The following ANGPT1 variants were observed in gnomAD, a reference collection of about 807,000 sequenced individuals.
ANGPT1 encodes the protein angiopoietin-1.
A neutral mutation model predicts 62.2 loss-of-function variants in ANGPT1; 17 were observed. The observed-to-expected ratio is 0.27, with a 90% CI of 0.19 to 0.41. The LOEUF (loss-of-function observed/expected upper bound fraction) is 0.41, where lower values mean the gene tolerates loss of function less well. Among genes scored for constraint, ANGPT1 ranks in the 10% least tolerant of loss-of-function variants. The pLI is 1.00. For synonymous variants in ANGPT1, 199 were observed against 198.9 expected (o/e 1.00, Z 0.00); for missense variants, 478 against 594.9 (o/e 0.80, Z 2.04).
In ANGPT1 at chr8:107,497,552, CTG is replaced by C. The variant is rs1410857969; in HGVS notation, c.5_6del (p.Thr2SerfsTer32). The C allele has an allele frequency of 1.2e-6, 2 of 1,613,524 alleles. No individual in the cohort carries two copies. The highest frequency in any genetic ancestry group is 2.2e-5 in the East Asian group (1 of 44,818). ...GCGAGGAAAGCAAAGGAAAGGAAAA[CTG>C]TCATTGTACTGCCAGCACACTCCTT... MTVFLSFAFLAA... is the reference protein window; with the variant it reads MXVFLSFAFLAA... On this transcript the variant is annotated frameshift_variant, in exon 1 of 9. Coordinates refer to ENST00000517746, the MANE Select transcript of ANGPT1 (RefSeq NM_001146.5). LOFTEE classifies it high-confidence loss of function.
At chr8:107,376,446 G>A (rs1654718) in intron 1 of ANGPT1, among the ~76,000 whole-genome samples, 112,423 of 152,114 alleles carry the variant, frequency 0.74, 42,523 homozygotes, top group East Asian at 0.87. Flanking sequence ...AACCTGATTA[G>A]TGTTCAGGGA....
At chr8:107,381,954 G>GT (rs1816646069) in intron 1 of ANGPT1, among the ~76,000 whole-genome samples, 1 of 152,224 alleles carries the variant, frequency 6.6e-6, no homozygotes, top group Admixed American at 6.5e-5. Flanking sequence ...AGAACATTTT[G>GT]TAAGACATAG....
intron 5 of ANGPT1, among the ~76,000 whole-genome samples, chr8:107,302,464 A>G (rs1271202990): frequency 1.3e-5 from 2 of 151,886 alleles, no homozygotes; most frequent in Non-Finnish European, 2.9e-5. Flanking sequence ...CATTTCTATC[A>G]CTATACTTAT....
chr8:107,268,869 T>A (rs753251682), intron 7 of ANGPT1, among the ~76,000 whole-genome samples: 9 of 152,010 alleles, frequency 5.9e-5, no homozygotes, highest in Non-Finnish European at 1.0e-4. Context: ...GGGACTGATA[T>A]ATTGAGGAAT....
chr8:107,275,068 A>T (rs1813829781), intron 7 of ANGPT1, among the ~76,000 whole-genome samples: 1 of 152,268 alleles, frequency 6.6e-6, no homozygotes, highest in South Asian at 2.1e-4. Context: ...AGGCAAAGTG[A>T]ATAAAATCTT....
At chr8:107,357,996 C>CT (rs1435322050) in intron 1 of ANGPT1, among the ~76,000 whole-genome samples, 1 of 152,030 alleles carries the variant, frequency 6.6e-6, no homozygotes, top group Non-Finnish European at 1.5e-5. Flanking sequence ...TGTTGGTTGT[C>CT]TTTCTCTTCT....
At chr8:107,433,527 A>T (rs1811250986) in intron 1 of ANGPT1, among the ~76,000 whole-genome samples, 1 of 152,222 alleles carries the variant, frequency 6.6e-6, no homozygotes, top group Admixed American at 6.5e-5. Flanking sequence ...TGGACAAGCA[A>T]ATAATACAAA....
intron 1 of ANGPT1, among the ~76,000 whole-genome samples, chr8:107,404,272 G>A (rs1026160361): frequency 1.3e-5 from 2 of 151,972 alleles, no homozygotes; most frequent in Non-Finnish European, 2.9e-5. Flanking sequence ...TAATTCTATG[G>A]TATACATAAA....
In ANGPT1 at chr8:107,463,459, C is replaced by CTAATAA. The variant is rs1252716556; in HGVS notation, c.297+33802_297+33803insTTATTA. Reference sequence around the variant, plus strand: ...ACAATTTATTATGTAGTATAGAAAACTAATGCAGCCCCCAAATGTCCTCCT... The same window carrying CTAATAA: ...ACAATTTATTATGTAGTATAGAAAACTAATAATAATGCAGCCCCCAAATGTCCTCCT... On this transcript the variant is annotated intron_variant, in intron 1 of 8. Transcript: ENST00000517746. Among the ~76,000 whole-genome samples, 11 of 152,164 alleles carry CTAATAA rather than the reference C, an allele frequency of 7.2e-5. No homozygotes were observed. The East Asian group carries it at 1.7e-3, about 24-fold the overall frequency.
At chr8:107,452,645 G>A (rs1811809512) in intron 1 of ANGPT1, among the ~76,000 whole-genome samples, 2 of 151,736 alleles carry the variant, frequency 1.3e-5, no homozygotes, top group African/African-American at 4.8e-5. Flanking sequence ...CAGAGAAAAT[G>A]GCTTCATATA....
At chr8:107,362,060 TAAATA>T (rs965553372) in intron 1 of ANGPT1, among the ~76,000 whole-genome samples, 1 of 152,016 alleles carries the variant, frequency 6.6e-6, no homozygotes, top group African/African-American at 2.4e-5. Flanking sequence ...CGTCTCAAAA[TAAATA>T]AATAAATATT....
chr8:107,482,495 G>A (rs1387207496), intron 1 of ANGPT1, among the ~76,000 whole-genome samples: 1 of 152,114 alleles, frequency 6.6e-6, no homozygotes, highest in African/African-American at 2.4e-5. Flanking sequence ...ATGGCCTTGG[G>A]GTATATGGAC....
intron 1 of ANGPT1, among the ~76,000 whole-genome samples, chr8:107,351,057 G>T (rs930013357): frequency 2.6e-5 from 4 of 152,106 alleles, no homozygotes; most frequent in African/African-American, 9.7e-5. Context: ...CATCTAAGAT[G>T]TGAATTTTAA....
intron 1 of ANGPT1, among the ~76,000 whole-genome samples, chr8:107,373,965 G>A (rs1294037645): frequency 6.6e-6 from 1 of 152,178 alleles, no homozygotes; most frequent in East Asian, 1.9e-4. Context: ...TCTTTCTCCA[G>A]TGAAAGTCAG....
At chr8:107,370,195 A>AAAGAAAGAAAGAAAGAAAG (rs1554586919) in intron 1 of ANGPT1, among the ~76,000 whole-genome samples, 20 of 93,258 alleles carry the variant, frequency 2.1e-4, no homozygotes, top group Admixed American at 2.5e-4. Context: ...AAGAAAGAAA[A>AAAGAAAGAAAGAAAGAAAG]AAAGAAAGAA....
intron 1 of ANGPT1, among the ~76,000 whole-genome samples, chr8:107,409,651 A>G (rs1817219191): frequency 6.6e-6 from 1 of 152,120 alleles, no homozygotes; most frequent in African/African-American, 2.4e-5. Context: ...AGGGCCAATG[A>G]GATTATAATA....
chr8:107,429,470 A>G (rs1246510097), intron 1 of ANGPT1, among the ~76,000 whole-genome samples: 1 of 152,174 alleles, frequency 6.6e-6, no homozygotes. Flanking sequence ...TCACTAATCA[A>G]TAATGACACT....
chr8:107,406,885 C>CAAAAA (rs10628191), intron 1 of ANGPT1, among the ~76,000 whole-genome samples: 2 of 141,836 alleles, frequency 1.4e-5, no homozygotes, highest in Non-Finnish European at 3.1e-5. Context: ...ATTAAATCCT[C>CAAAAA]AAAAAAAAAA....
At chr8:107,390,763 T>C (rs1257196271) in intron 1 of ANGPT1, among the ~76,000 whole-genome samples, 1 of 152,168 alleles carries the variant, frequency 6.6e-6, no homozygotes, top group Admixed American at 6.6e-5. Context: ...AGGTAAGCAC[T>C]ACCATTATAC....
Sources: allele counts gnomAD v4.1 joint callset (sites outside exome capture counted in the v4.1 genomes callset), GRCh38; gene constraint gnomAD v4.1.1; transcripts MANE v1.5; gene names NCBI Gene and HGNC (gene_info 2026-07-23, HGNC 2026-07-21).